The following POU6F2 variants were observed in gnomAD, a reference collection of about 807,000 sequenced individuals.
POU6F2 encodes the protein POU class 6 homeobox 2.
Under a neutral mutation model 71.3 loss-of-function variants are expected in POU6F2, and 31 were observed. That is an observed-to-expected ratio of 0.43 (90% confidence interval 0.33 to 0.59). The LOEUF is 0.59. Among genes scored for constraint, POU6F2 ranks in the 20% least tolerant of loss-of-function variants. The pLI, the probability that POU6F2 is intolerant of heterozygous loss-of-function variation, is 0.04. For synonymous variants in POU6F2, 347 were observed against 355.7 expected (o/e 0.98, Z 0.27); for missense variants, 783 against 856.8 (o/e 0.91, Z 1.07).
chr7:39,296,932 AG>A (rs1244867274), intron 4 of POU6F2, among the ~76,000 whole-genome samples: 1 of 152,196 alleles, frequency 6.6e-6, no homozygotes, highest in Non-Finnish European at 1.5e-5. Context: ...ATTTATTCAA[AG>A]CCACAGGAGT....
chr7:39,340,047 G>C (rs1358520522), intron 5 of POU6F2, 32 bp downstream of exon 5: 1 of 1,565,260 alleles, frequency 6.4e-7, no homozygotes, highest in Non-Finnish European at 8.7e-7. Context: ...TCTGCCCCTA[G>C]GAGCACCAAG....
chr7:39,073,648 C>T (rs566872736), intron 1 of POU6F2, among the ~76,000 whole-genome samples: 1 of 152,316 alleles, frequency 6.6e-6, no homozygotes, highest in Non-Finnish European at 1.5e-5. Context: ...CTGGGCGCAG[C>T]CGTGTACAGA....
intron 4 of POU6F2, among the ~76,000 whole-genome samples, chr7:39,314,232 C>A (rs1028936519): frequency 6.6e-6 from 1 of 152,138 alleles, no homozygotes; most frequent in African/African-American, 2.4e-5. Flanking sequence ...GGTTGACTGG[C>A]CTTTCTTGAA....
chr7:39,027,329 A>G (rs1209680465), intron 1 of POU6F2, among the ~76,000 whole-genome samples: 1 of 152,202 alleles, frequency 6.6e-6, no homozygotes. Flanking sequence ...AAAAACACTC[A>G]CTAGGCTTAT....
intron 1 of POU6F2, among the ~76,000 whole-genome samples, chr7:39,078,061 G>A (rs1055206869): frequency 6.6e-6 from 1 of 152,222 alleles, no homozygotes; most frequent in African/African-American, 2.4e-5. Flanking sequence ...TTAGAGATGA[G>A]TGAGGGTTTG....
chr7:39,105,182 C>T (rs992236586), intron 2 of POU6F2, among the ~76,000 whole-genome samples: 1 of 152,128 alleles, frequency 6.6e-6, no homozygotes, highest in Non-Finnish European at 1.5e-5. Context: ...ATTTCCCAAA[C>T]CTAACATATT....
chr7:38,979,285 T>C (rs908812822), intron 1 of POU6F2, among the ~76,000 whole-genome samples: 9 of 152,142 alleles, frequency 5.9e-5, no homozygotes, highest in Non-Finnish European at 1.0e-4. Context: ...GTTAATAGCA[T>C]GGTGGAAAAT....
In POU6F2 at chr7:39,193,158, C is replaced by A. The variant is rs78863025; in HGVS notation, c.278-11077C>A. Among the ~76,000 whole-genome samples the A allele has an allele frequency of 9.5e-3, 1,451 of 152,166 alleles. 23 individuals carry two copies. Among genetic ancestry groups the A allele is most frequent in the African/African-American group, 0.034 (1,391 of 41,502 alleles). Reference sequence around the variant, plus strand: ...CAGGGGTCACACTTGACTATGGAGACCCTAAACTAAGAATGCAGCTGCACT... The same window carrying A: ...CAGGGGTCACACTTGACTATGGAGAACCTAAACTAAGAATGCAGCTGCACT... On this transcript the variant is annotated intron_variant, in intron 2 of 9. Coordinates refer to ENST00000518318, the MANE Select transcript of POU6F2 (RefSeq NM_001370959.1).
intron 1 of POU6F2, among the ~76,000 whole-genome samples, chr7:39,056,688 G>GTA (rs34502435): frequency 2.6e-5 from 4 of 151,126 alleles, no homozygotes; most frequent in Non-Finnish European, 5.9e-5. Flanking sequence ...ATGTGTGTGT[G>GTA]TGTGTGTGTG....
At chr7:39,438,630 A>G (rs1788310233) in intron 7 of POU6F2, among the ~76,000 whole-genome samples, 1 of 152,228 alleles carries the variant, frequency 6.6e-6, no homozygotes, top group Non-Finnish European at 1.5e-5. Flanking sequence ...TAGTTCAACC[A>G]TTGTGGAAGA....
intron 2 of POU6F2, among the ~76,000 whole-genome samples, chr7:39,096,229 G>A (rs539137935): frequency 2.1e-4 from 32 of 152,114 alleles, no homozygotes; most frequent in Non-Finnish European, 3.8e-4. Flanking sequence ...GGCATGTAAA[G>A]TAAATTGTTT....
At chr7:39,368,415 G>A (rs1238291780) in intron 5 of POU6F2, among the ~76,000 whole-genome samples, 1 of 152,204 alleles carries the variant, frequency 6.6e-6, no homozygotes, top group African/African-American at 2.4e-5. Flanking sequence ...AGAAAAGTTG[G>A]AAGCTAGCAG....
At chr7:39,403,949 G>T (rs187317875) in intron 5 of POU6F2, among the ~76,000 whole-genome samples, 1 of 152,180 alleles carries the variant, frequency 6.6e-6, no homozygotes, top group Non-Finnish European at 1.5e-5. Flanking sequence ...TAGTTCTACA[G>T]GAACAGCAGG....
intron 2 of POU6F2, among the ~76,000 whole-genome samples, chr7:39,186,776 G>A (rs1253509096): frequency 3.3e-5 from 5 of 152,144 alleles, no homozygotes; most frequent in Non-Finnish European, 1.5e-5. Context: ...ATCACTGGGG[G>A]AGGTGCTGTC....
At chr7:39,116,840 T>C (rs2128726732) in intron 2 of POU6F2, among the ~76,000 whole-genome samples, 1 of 152,284 alleles carries the variant, frequency 6.6e-6, no homozygotes, top group East Asian at 1.9e-4. Context: ...TCTTTACACT[T>C]CCCAAGAGTA....
At chr7:39,245,894 T>G (rs996620648) in intron 4 of POU6F2, among the ~76,000 whole-genome samples, 1 of 152,122 alleles carries the variant, frequency 6.6e-6, no homozygotes, top group African/African-American at 2.4e-5. Flanking sequence ...TCCACAAGCA[T>G]AGTGATGGCA....
At chr7:39,267,758 T>C (rs1460494712) in intron 4 of POU6F2, among the ~76,000 whole-genome samples, 1 of 152,120 alleles carries the variant, frequency 6.6e-6, no homozygotes, top group Admixed American at 6.6e-5. Context: ...GTGTGGGCCA[T>C]TGCACCTGAC....
chr7:39,285,101 A>G (rs1020701167), intron 4 of POU6F2, among the ~76,000 whole-genome samples: 1 of 152,226 alleles, frequency 6.6e-6, no homozygotes, highest in Non-Finnish European at 1.5e-5. Context: ...TTGGCCAGAA[A>G]GCGACAAATC....
intron 4 of POU6F2, among the ~76,000 whole-genome samples, chr7:39,299,768 C>T (rs1784920040): frequency 6.6e-6 from 1 of 152,180 alleles, no homozygotes; most frequent in South Asian, 2.1e-4. Context: ...CCAAAAGGGC[C>T]TTTGCTGATG....
Sources: allele counts gnomAD v4.1 joint callset (sites outside exome capture counted in the v4.1 genomes callset), GRCh38; gene constraint gnomAD v4.1.1; transcripts MANE v1.5; gene names NCBI Gene and HGNC (gene_info 2026-07-23, HGNC 2026-07-21).